GREB1: variants seen among roughly 807,000 people sequenced by gnomAD.
The protein encoded by GREB1 is protein GREB1.
Under a neutral mutation model 200.7 loss-of-function variants are expected in GREB1, and 106 were observed. That is an observed-to-expected ratio of 0.53 (90% CI 0.45 to 0.62). The LOEUF (loss-of-function observed/expected upper bound fraction) is 0.62. Among genes scored for constraint, GREB1 ranks in the 20% least tolerant of loss-of-function variants. The pLI, the probability that GREB1 is intolerant of heterozygous loss-of-function variation, is 0.00. For synonymous variants in GREB1, 1,132 were observed against 1,092.4 expected (o/e 1.04, Z -0.72); for missense variants, 2,243 against 2,556.8 (o/e 0.88, Z 2.65).
At chr2:11,590,627 A>G (rs529119771) in intron 10 of GREB1, among the ~76,000 whole-genome samples, 38 of 152,020 alleles carry the variant, frequency 2.5e-4, no homozygotes, top group Middle Eastern at 3.4e-3. Flanking sequence ...CCGGGCCCCT[A>G]TCCTATGCCC....
intron 11 of GREB1, among the ~76,000 whole-genome samples, chr2:11,594,993 C>CTTTT (rs371356681): frequency 7.0e-6 from 1 of 143,268 alleles, no homozygotes; most frequent in Admixed American, 6.9e-5. Flanking sequence ...TGTGCCTGGC[C>CTTTT]TTTTTTTTTT....
rs931817775 is a variant in GREB1 at position 11,515,373 on chromosome 2, G to A, written c.-159+32992G>A. The stretch of plus-strand genomic sequence containing the variant: ...GCTAAGTAGGAAAGAATGAATTAAT[G>A]AAAATGTCATTAACTGCAAGCCTGA... On this transcript the variant is annotated intron_variant, in intron 1 of 2. Coordinates refer to the GREB1 transcript ENST00000628795. 1.4e-4 allele frequency among the ~76,000 whole-genome samples: 22 copies of A among 152,248 alleles called. 1 individual carries two copies. The highest frequency in any genetic ancestry group is 7.3e-5 in the Non-Finnish European group (5 of 68,048).
chr2:11,505,133 TG>T (rs1195676958), intron 1 of GREB1, among the ~76,000 whole-genome samples: 1 of 152,060 alleles, frequency 6.6e-6, no homozygotes, highest in Non-Finnish European at 1.5e-5. Flanking sequence ...GGTTTCACCA[TG>T]TTGGCCAGGC....
At chr2:11,578,525 A>G in intron 6 of GREB1, 94 bp downstream of exon 6, 5 of 1,316,764 alleles carry the variant, frequency 3.8e-6, no homozygotes, top group Admixed American at 2.2e-5. Flanking sequence ...GCATTCTTCA[A>G]AATAAATCAG....
upstream of GREB1, among the ~76,000 whole-genome samples, chr2:11,532,448 A>G (rs1674108470): frequency 6.6e-6 from 1 of 152,266 alleles, no homozygotes; most frequent in Non-Finnish European, 1.5e-5. Flanking sequence ...AGCAAAAGCC[A>G]CAAAGTAGTT....
intron 15 of GREB1, 53 bp downstream of exon 15, chr2:11,598,913 G>A (rs1323338150): frequency 7.0e-7 from 1 of 1,425,150 alleles, no homozygotes; most frequent in Admixed American, 1.7e-5. Context: ...TTGAAGTGAT[G>A]TATGTGGATG....
At chr2:11,536,100 C>T (rs550428135) in intron 1 of GREB1, among the ~76,000 whole-genome samples, 20 of 152,272 alleles carry the variant, frequency 1.3e-4, no homozygotes, top group Admixed American at 9.2e-4. Context: ...GGGAGACCAC[C>T]GCAAGCCTGG....
At chr2:11,623,222 G>T (rs544251669) in intron 23 of GREB1, among the ~76,000 whole-genome samples, 38 of 152,316 alleles carry the variant, frequency 2.5e-4, no homozygotes, top group African/African-American at 8.7e-4. Flanking sequence ...TGTTTGTAGC[G>T]ATTCGGGTGT....
intron 2 of GREB1, among the ~76,000 whole-genome samples, chr2:11,559,090 G>A (rs1006705874): frequency 6.6e-6 from 1 of 152,208 alleles, no homozygotes; most frequent in Non-Finnish European, 1.5e-5. Flanking sequence ...ATGCCATAGA[G>A]TTTCTGCTCA....
At chr2:11,607,430 G>GTA (rs202024306) in intron 17 of GREB1, among the ~76,000 whole-genome samples, 2,326 of 19,426 alleles carry the variant, frequency 0.12, 78 homozygotes, top group African/African-American at 0.18. Flanking sequence ...GTATATGTAT[G>GTA]TGTGTGTGTG....
chr2:11,489,607 G>A (rs1572542400), intron 1 of GREB1, among the ~76,000 whole-genome samples: 2 of 152,274 alleles, frequency 1.3e-5, no homozygotes, highest in East Asian at 1.9e-4. Flanking sequence ...CTTAGACTCC[G>A]GCAGAGAACT....
rs1016354528 is a variant in GREB1, at chr2:11,640,776, T to G, written c.*322T>G. 7.4e-6 allele frequency: 2 copies of G among 271,744 alleles called. No homozygotes were observed. Among genetic ancestry groups the G allele is most frequent in the African/African-American group, 4.5e-5 (2 of 44,346 alleles). The allele number at this position is 271,744 out of a possible 1,614,324, so 16.8% of individuals were successfully genotyped here. On this transcript the variant is annotated 3_prime_UTR_variant, in exon 33 of 33. Transcript: ENST00000381486. The surrounding 1 kb of genome is among the most constrained non-coding windows in gnomAD (Gnocchi z 4.6). ...CGTGTGCTTCCATGGACAAACCTGA[T>G]TTTTTTCTCTTAGTTCTAAAGAATC...
rs756550068 is a variant in GREB1 at position 11,593,119 on chromosome 2, C to T, written c.1689C>T (p.Ala563=). The T allele has an allele frequency of 2.7e-5, 43 of 1,599,596 alleles. No individual in the cohort carries two copies. In the South Asian group the frequency reaches 2.9e-4, roughly 11 times the overall value. The stretch of plus-strand genomic sequence containing the variant: ...GCGCGGCCATCGACTCCTGCATCGC[C>T]GTCACCGGTGAGCTCTGGGCCGCGC... ...CRSAAIDSCI[A]VTGKYQARIL... Residue 563 remains alanine, a synonymous_variant, in exon 11 of 33, where the codon GCC becomes GCT. Transcript: ENST00000381486.
chr2:11,525,165 T>A (rs1414965025), intron 1 of GREB1, among the ~76,000 whole-genome samples: 5 of 152,164 alleles, frequency 3.3e-5, no homozygotes, highest in Non-Finnish European at 5.9e-5. Context: ...TCTGAACTCA[T>A]ACTGATATGA....
intron 4 of GREB1, among the ~76,000 whole-genome samples, chr2:11,573,347 A>G (rs549812209): frequency 6.6e-6 from 1 of 152,334 alleles, no homozygotes; most frequent in South Asian, 2.1e-4. Flanking sequence ...ACTGTTTTCC[A>G]TGGTGAGGAC....
intron 1 of GREB1, among the ~76,000 whole-genome samples, chr2:11,550,177 A>T (rs1422870072): frequency 6.6e-6 from 1 of 152,232 alleles, no homozygotes; most frequent in Non-Finnish European, 1.5e-5. Context: ...AGATTGTGCC[A>T]TTGCACTCCA....
At chr2:11,557,864 A>G (rs71446417) in intron 2 of GREB1, among the ~76,000 whole-genome samples, 4,443 of 152,258 alleles carry the variant, frequency 0.029, 90 homozygotes, top group Middle Eastern at 0.058. Flanking sequence ...GTTTTCTGGC[A>G]TGGGAGACGT....
intron 25 of GREB1, 86 bp downstream of exon 25, chr2:11,627,190 G>A: frequency 7.9e-7 from 1 of 1,265,666 alleles, no homozygotes; most frequent in Non-Finnish European, 1.1e-6. Flanking sequence ...ATTCCAGAGT[G>A]GGAGATAGAG....
intron 26 of GREB1, among the ~76,000 whole-genome samples, 194 bp from the exon 27 acceptor site, chr2:11,631,715 A>G (rs1386054341): frequency 6.6e-6 from 1 of 152,180 alleles, no homozygotes; most frequent in Non-Finnish European, 1.5e-5. Flanking sequence ...AGTCCTCTTG[A>G]GGCTATGCCC....
Sources: gnomAD v4.1 joint callset for allele counts (sites outside exome capture counted in the v4.1 genomes callset) on GRCh38, gnomAD v4.1.1 for gene constraint, Gnocchi (gnomAD v3.1) non-coding constraint, MANE v1.5 for transcripts, NCBI Gene and HGNC (gene_info 2026-07-23, HGNC 2026-07-21) for gene names.